Variants in TRPV3 observed in about 807,000 individuals in gnomAD.
TRPV3 encodes transient receptor potential cation channel subfamily V member 3, also known as VRL-3.
Under a neutral mutation model 87.1 loss-of-function variants are expected in TRPV3, and 88 were observed. The observed-to-expected ratio is 1.01, with a 90% confidence interval of 0.85 to 1.21. The LOEUF (loss-of-function observed/expected upper bound fraction) is 1.21. Among genes scored for constraint, TRPV3 ranks in the 50% most tolerant of loss-of-function variants. The pLI is 0.00. For missense variants in TRPV3, 1,054 were observed against 1,030.1 expected (o/e 1.02, Z -0.32); for synonymous variants, 438 against 423.3 (o/e 1.03, Z -0.43).
At chr17:3,524,751 C>T (rs752879118) in intron 12 of TRPV3, among the ~76,000 whole-genome samples, 11 of 149,222 alleles carry the variant, frequency 7.4e-5, no homozygotes, top group African/African-American at 2.0e-4. Context: ...ATAGGAGAAA[C>T]GCTTCAGGCC....
chr17:3,542,365 G>C (rs1374345831), intron 6 of TRPV3, among the ~76,000 whole-genome samples, 157 bp downstream of exon 6: 1 of 152,242 alleles, frequency 6.6e-6, no homozygotes, highest in Non-Finnish European at 1.5e-5. Context: ...AAGGAAGAAA[G>C]AGAGGGTTGC....
chr17:3,544,355 C>T (rs1446647310), intron 4 of TRPV3, among the ~76,000 whole-genome samples: 1 of 152,176 alleles, frequency 6.6e-6, no homozygotes, highest in Non-Finnish European at 1.5e-5. Context: ...TCTTTTTCCA[C>T]TGCATCCTGC....
intron 8 of TRPV3, 41 bp downstream of exon 8, chr17:3,532,608 TACCTCCTG>T (rs781231000): frequency 6.3e-7 from 1 of 1,598,658 alleles, no homozygotes; most frequent in Non-Finnish European, 8.5e-7. Flanking sequence ...GTGGCAGCTG[TACCTCCTG>T]ACCTCCCGAC....
intron 2 of TRPV3, among the ~76,000 whole-genome samples, chr17:3,550,483 C>T (rs1319687823): frequency 2.0e-5 from 3 of 151,574 alleles, no homozygotes; most frequent in Non-Finnish European, 4.4e-5. Context: ...GCTTGCTCAC[C>T]AGCTCACCCA....
intron 7 of TRPV3, 149 bp downstream of exon 7, chr17:3,535,424 C>A: frequency 1.5e-6 from 1 of 664,880 alleles, no homozygotes; most frequent in Non-Finnish European, 2.2e-6. Context: ...GTTTCCCCCT[C>A]CCTTCCTCCC....
rs1231569297 is a variant in TRPV3, at chr17:3,556,925, G to A, written c.-3+751C>T. 6.6e-6 allele frequency among the ~76,000 whole-genome samples: 1 copy of A among 152,178 alleles called. No individual in the cohort carries two copies. Among genetic ancestry groups the A allele is most frequent in the Non-Finnish European group, 1.5e-5 (1 of 68,016 alleles). On this transcript the variant is annotated intron_variant, in intron 1 of 17. Transcript: ENST00000576742. The surrounding 1 kb of genome is among the most constrained non-coding windows in gnomAD (Gnocchi z 4.2). ...AGGGCACGTCTCTTGCCCCTCCCAG[G>A]GCCTCTGGTTTCCTTTCTGAGAAGT...
chr17:3,534,042 C>G (rs2074375812), intron 7 of TRPV3, among the ~76,000 whole-genome samples: 1 of 152,054 alleles, frequency 6.6e-6, no homozygotes, highest in Admixed American at 6.6e-5. Flanking sequence ...ACACAGCAAG[C>G]CTGGGACACG....
At chr17:3,554,378 C>T (rs1038352107) in intron 2 of TRPV3, 3 of 207,552 alleles carry the variant, frequency 1.4e-5, no homozygotes, top group Non-Finnish European at 2.9e-5. Flanking sequence ...ACAGAGGCTC[C>T]GGGTCACCTG....
chr17:3,525,311 C>A (rs369321342), intron 12 of TRPV3, among the ~76,000 whole-genome samples: 41 of 152,080 alleles, frequency 2.7e-4, no homozygotes, highest in Non-Finnish European at 5.9e-4. Context: ...TGAGCCAACG[C>A]GCCCAGCATT....
Position 3,528,183 on chromosome 17 carries a change from C to T in TRPV3, c.1402-57G>A. The T allele has an allele frequency of 7.0e-7, 1 of 1,422,238 alleles. No homozygotes were observed. Among genetic ancestry groups the T allele is most frequent in the South Asian group, 1.3e-5 (1 of 78,268 alleles). 88.1% of individuals were successfully genotyped at this position (1,422,238 alleles called of 1,614,324 possible). On this transcript the variant is annotated intron_variant, in intron 10 of 17. Transcript: ENST00000576742. This position sits in a 1 kb window ranked among gnomAD's most constrained non-coding sequence, Gnocchi z 4.2. Reference sequence around the variant, plus strand: ...GGAAGCAAGGAGGACAGGGCTGGCACCAACTCTAGAGGGACCAAAACCCAG... The same window carrying T: ...GGAAGCAAGGAGGACAGGGCTGGCATCAACTCTAGAGGGACCAAAACCCAG...
intron 1 of TRPV3, among the ~76,000 whole-genome samples, chr17:3,555,790 G>A (rs1442064185): frequency 6.6e-6 from 1 of 152,208 alleles, no homozygotes; most frequent in Non-Finnish European, 1.5e-5. Context: ...GGGAGCTGCT[G>A]TGGCCAGAGA....
intron 6 of TRPV3, among the ~76,000 whole-genome samples, chr17:3,542,188 C>A (rs7222449): frequency 6.6e-6 from 1 of 151,794 alleles, no homozygotes; most frequent in African/African-American, 2.4e-5. Flanking sequence ...AACTCCGGAC[C>A]TCAGGTGATC....
chr17:3,517,544 G>A lies in TRPV3; in HGVS notation c.2086-975C>T, dbSNP rs189439071. Among the ~76,000 whole-genome samples the A allele has an allele frequency of 7.9e-4, 120 of 150,968 alleles. 1 individual carries two copies. In the East Asian group the frequency reaches 0.016, roughly 20 times the overall value. On this transcript the variant is annotated intron_variant, in intron 15 of 17. Transcript: ENST00000576742. ...TGAGGTGGGAGAATCACTTGAGCCC[G>A]GGAGGCAGAGTTTGCAGTGAGCTGA...
rs1457866418 is a variant in TRPV3 at position 3,524,374 on chromosome 17, G to A, written c.1578-11C>T. 1.9e-6 allele frequency: 3 copies of A among 1,613,502 alleles called. No individual in the cohort carries two copies. The highest frequency in any genetic ancestry group is 1.7e-5 in the Admixed American group (1 of 59,932). On this transcript the variant is annotated splice_polypyrimidine_tract_variant and intron_variant, in intron 12 of 17. Coordinates refer to ENST00000576742, the MANE Select transcript of TRPV3 (RefSeq NM_145068.4). ...ACAGCTTGGATAAAACTGTTCAGGA[G>A]ACACAGGAGACACGGGCCTTACTTA...
chr17:3,525,373 A>G (rs901717114), intron 12 of TRPV3, among the ~76,000 whole-genome samples: 2 of 152,178 alleles, frequency 1.3e-5, no homozygotes, highest in African/African-American at 4.8e-5. Flanking sequence ...AGGTGACTCC[A>G]CTATATGACT....
At chr17:3,527,866 C>T (rs1254537254) in intron 11 of TRPV3, 159 bp downstream of exon 11, 14 of 632,364 alleles carry the variant, frequency 2.2e-5, no homozygotes, top group Non-Finnish European at 3.9e-5. Context: ...ATAGGCCAGC[C>T]TTATCCATTT....
chr17:3,543,391 G>T, intron 5 of TRPV3, 83 bp downstream of exon 5: 1 of 1,550,830 alleles, frequency 6.4e-7, no homozygotes, highest in Non-Finnish European at 8.7e-7. Context: ...AGCCTCATGG[G>T]TTGGTGAGGG....
chr17:3,524,286 A>T lies in TRPV3; in HGVS notation c.1655T>A (p.Val552Glu). 6.2e-7 allele frequency: 1 copy of T among 1,614,284 alleles called. No individual in the cohort carries two copies. Among genetic ancestry groups the T allele is most frequent in the South Asian group, 1.1e-5 (1 of 91,088 alleles). Reference protein sequence around the residue: ...FAYKEYLACLVLAMALGWANM... With the variant: ...FAYKEYLACLELAMALGWANM... ...CGCCCAGCCCAGGGCCATGGCCAGC[A>T]CGAGGCAGGCGAGGTACTCTTTGTA... Residue 552 changes from valine to glutamate, a missense_variant, in exon 13 of 18, where the codon GTG (valine) becomes GAG (glutamate). Val to Glu is a moderately radical substitution (Grantham distance 121). Coordinates refer to ENST00000576742, the MANE Select transcript of TRPV3 (RefSeq NM_145068.4).
At chr17:3,521,690 C>G (rs1435028709) in intron 13 of TRPV3, among the ~76,000 whole-genome samples, 1 of 151,994 alleles carries the variant, frequency 6.6e-6, no homozygotes, top group African/African-American at 2.4e-5. Flanking sequence ...TCAGCTGTAC[C>G]TCAATAAAGC....
Sources: gnomAD v4.1 joint callset for allele counts (sites outside exome capture counted in the v4.1 genomes callset) on GRCh38, gnomAD v4.1.1 for gene constraint, Gnocchi (gnomAD v3.1) non-coding constraint, MANE v1.5 for transcripts, NCBI Gene and HGNC (gene_info 2026-07-23, HGNC 2026-07-21) for gene names.